Variants in EMX1 observed in about 807,000 individuals in gnomAD.
The protein encoded by EMX1 is empty spiracles homeobox 1.
In EMX1, 10 loss-of-function variants were observed where a neutral mutation model predicts 20.1. That is an observed-to-expected ratio of 0.50 (90% CI 0.31 to 0.84). The LOEUF (loss-of-function observed/expected upper bound fraction) is 0.84. Ranked by LOEUF, EMX1 falls within the 40% of genes least tolerant of loss-of-function variation. The pLI, the probability that EMX1 is intolerant of heterozygous loss-of-function variation, is 0.05. For synonymous variants in EMX1, 250 were observed against 200.4 expected, an observed-to-expected ratio of 1.25 and a Z score of -2.09; for missense variants, 424 against 431.9, an observed-to-expected ratio of 0.98 and a Z score of 0.16.
At chr2:72,924,190 T>C (rs1219365054) in intron 1 of EMX1, 119 bp from the exon 2 acceptor site, 1 of 1,264,536 alleles carries the variant, frequency 7.9e-7, no homozygotes, top group Admixed American at 2.0e-5. Flanking sequence ...TGTCAAGGAA[T>C]GGAGAGGGCA....
At chr2:72,923,802 C>A (rs769710268) in intron 1 of EMX1, 19 of 210,668 alleles carry the variant, frequency 9.0e-5, no homozygotes, top group Non-Finnish European at 1.7e-4. Flanking sequence ...CCCGCTGCTC[C>A]CCTTATCACG....
In EMX1 at chr2:72,933,762, C is replaced by T. The variant is rs773557742; in HGVS notation, c.706-25C>T. 4.3e-6 allele frequency: 7 copies of T among 1,613,036 alleles called. No homozygotes were observed. In the African/African-American group the frequency reaches 8.0e-5, roughly 18 times the overall value. ...TCTGGGGGCCTCCTGAGTTTCTCAT[C>T]TGTGCCCCTCCCTCCCTGGCCCAGG... is the stretch of plus-strand genomic sequence containing the variant. On this transcript the variant is annotated intron_variant, in intron 2 of 2. Coordinates refer to ENST00000258106, the MANE Select transcript of EMX1 (RefSeq NM_004097.3).
chr2:72,918,429 T>C, intron 1 of EMX1, 57 bp downstream of exon 1: 1 of 1,343,714 alleles, frequency 7.4e-7, no homozygotes, highest in Non-Finnish European at 9.5e-7. Flanking sequence ...GCTGCGGCGA[T>C]GCGGGGGAGG....
rs1051638003 is a variant in EMX1, at chr2:72,918,098, G to A, written c.246G>A (p.Ala82=). ...AASEEPLRPT[A]LNYPHPSAAE... ...CCGAGGAACCGCTCCGGCCCACGGC[G>A]CTCAACTACCCTCACCCCAGCGCGG... The change falls in exon 1 of 3, where the codon GCG becomes GCA. Residue 82 remains alanine (A), a synonymous_variant. Transcript: ENST00000258106. 4.7e-5 allele frequency: 69 copies of A among 1,455,420 alleles called. No homozygotes were observed. Among genetic ancestry groups the A allele is most frequent in the Non-Finnish European group, 5.9e-5 (66 of 1,114,114 alleles). 90.2% of individuals were successfully genotyped at this position (1,455,420 alleles called of 1,614,324 possible). A position where few individuals can be genotyped will look rare whatever the true frequency, so the allele number is the denominator to read the frequency against.
chr2:72,933,945 C>T lies in EMX1; in HGVS notation c.864C>T (p.Ser288=). Residue 288 remains serine (S), a synonymous_variant, in exon 3 of 3, where the codon TCC becomes TCT. Coordinates refer to ENST00000258106, the MANE Select transcript of EMX1 (RefSeq NM_004097.3). Reference sequence around the variant, plus strand: ...ATGGGGAGGACATCGATGTCACCTCCAATGACTAGGGTGGGCAACCACAAA... The same window carrying T: ...ATGGGGAGGACATCGATGTCACCTCTAATGACTAGGGTGGGCAACCACAAA... ...QANGEDIDVT[S]ND is the part of the protein sequence containing the mutation. 1 of 1,614,258 alleles carries T rather than the reference C, an allele frequency of 6.2e-7. No homozygotes were observed. The highest frequency in any genetic ancestry group is 2.2e-5 in the East Asian group (1 of 44,884).
At chr2:72,917,064 G>A, upstream of EMX1, 1 of 659,452 alleles carries the variant, frequency 1.5e-6, no homozygotes, top group Non-Finnish European at 2.8e-6. Flanking sequence ...GCCGATGGTG[G>A]GTGAGTGGGA....
intron 1 of EMX1, 52 bp downstream of exon 1, chr2:72,918,424 G>T: frequency 2.2e-6 from 3 of 1,354,180 alleles, no homozygotes; most frequent in Non-Finnish European, 2.8e-6. Context: ...CCCGTGCTGC[G>T]GCGATGCGGG....
intron 1 of EMX1, among the ~76,000 whole-genome samples, chr2:72,922,415 A>G (rs903205555): frequency 2.6e-5 from 4 of 152,078 alleles, no homozygotes; most frequent in Non-Finnish European, 2.9e-5. Context: ...CCATCTGTCT[A>G]TTCCACTATC....
chr2:72,928,003 A>G (rs1210317360), intron 2 of EMX1, among the ~76,000 whole-genome samples: 2 of 152,212 alleles, frequency 1.3e-5, no homozygotes, highest in Non-Finnish European at 2.9e-5. Context: ...GGTTACTCAG[A>G]TCAGTGTGTG....
Position 72,934,194 on chromosome 2 carries a change from C to T in EMX1, c.*240C>T, listed in dbSNP as rs1015839471. 3 of 531,796 alleles carry T rather than the reference C, an allele frequency of 5.6e-6. No individual in the cohort carries two copies. The highest frequency in any genetic ancestry group is 3.2e-5 in the East Asian group (1 of 31,632). The allele number at this position is 531,796 out of a possible 1,614,324, so 32.9% of individuals were successfully genotyped here. On this transcript the variant is annotated 3_prime_UTR_variant, in exon 3 of 3. Coordinates refer to ENST00000258106, the MANE Select transcript of EMX1 (RefSeq NM_004097.3). ...GCCTGCCTGCCTGGGCGGGCCCGCCCGCCACCGCAGCCTCCCAGCTGCTCT... is the reference window on the plus strand; with the variant it reads ...GCCTGCCTGCCTGGGCGGGCCCGCCTGCCACCGCAGCCTCCCAGCTGCTCT...
At chr2:72,933,646 G>A in intron 2 of EMX1, 141 bp from the exon 3 acceptor site, 1 of 1,011,904 alleles carries the variant, frequency 9.9e-7, no homozygotes, top group Non-Finnish European at 1.4e-6. Flanking sequence ...TGGTCAGAGG[G>A]GACCCCGGCC....
upstream of EMX1, chr2:72,917,059 TGGTG>T: frequency 1.5e-6 from 1 of 661,502 alleles, no homozygotes; most frequent in East Asian, 2.7e-5. Context: ...AGGAGGCCGA[TGGTG>T]GGTGAGTGGG....
intron 1 of EMX1, chr2:72,923,536 C>T (rs572587450): frequency 6.6e-5 from 10 of 152,326 alleles, no homozygotes; most frequent in African/African-American, 2.2e-4. Flanking sequence ...CCGCCAAGGC[C>T]TGGGGGAGAG....
chr2:72,924,094 C>A (rs1216031472), intron 1 of EMX1: 1 of 628,058 alleles, frequency 1.6e-6, no homozygotes, highest in Non-Finnish European at 2.9e-6. Context: ...CGGAGTGGCT[C>A]TCGAGTGCGG....
chr2:72,917,825 G>T lies in EMX1; in HGVS notation c.-28G>T. 1 of 1,302,508 alleles carries T rather than the reference G, an allele frequency of 7.7e-7. No homozygotes were observed. Among genetic ancestry groups the T allele is most frequent in the Non-Finnish European group, 9.7e-7 (1 of 1,029,964 alleles). 80.7% of individuals were successfully genotyped at this position (1,302,508 alleles called of 1,614,324 possible). A position where few individuals can be genotyped will look rare whatever the true frequency, so the allele number is the denominator to read the frequency against. ...GGGCCGAGCGCGAGCGGGCGGGCGG[G>T]GGAGGTGAGGGGTGCGGGCGGGTGT... is the stretch of plus-strand genomic sequence containing the variant. On this transcript the variant is annotated 5_prime_UTR_variant, in exon 1 of 3. Coordinates refer to ENST00000258106, the MANE Select transcript of EMX1 (RefSeq NM_004097.3).
chr2:72,921,933 A>C (rs1426675589), intron 1 of EMX1, among the ~76,000 whole-genome samples: 1 of 152,200 alleles, frequency 6.6e-6, no homozygotes, highest in Non-Finnish European at 1.5e-5. Context: ...GCACTCCACC[A>C]CACAGGTGAC....
At position 72,934,094 on chromosome 2, in the gene EMX1, C is replaced by T; in HGVS notation, c.*140C>T. 8.3e-7 allele frequency: 1 copy of T among 1,203,168 alleles called. No homozygotes were observed. Among genetic ancestry groups the T allele is most frequent in the Non-Finnish European group, 1.1e-6 (1 of 881,680 alleles). 74.5% of individuals were successfully genotyped at this position (1,203,168 alleles called of 1,614,324 possible). ...GTCATGGCCCCACAGGGCTTGAAGCCCGGGGCCGCCATTGACAGAGGGACA... is the reference window on the plus strand; with the variant it reads ...GTCATGGCCCCACAGGGCTTGAAGCTCGGGGCCGCCATTGACAGAGGGACA... On this transcript the variant is annotated 3_prime_UTR_variant, in exon 3 of 3. Transcript: ENST00000258106.
chr2:72,928,500 G>A (rs947457310), intron 2 of EMX1, among the ~76,000 whole-genome samples: 4 of 152,220 alleles, frequency 2.6e-5, no homozygotes, highest in African/African-American at 7.2e-5. Flanking sequence ...GTGTTCGTGT[G>A]TGTGTCGGGG....
At position 72,924,466 on chromosome 2, in the gene EMX1, C is replaced by G. The variant is rs1419264003; in HGVS notation, c.678C>G (p.Ala226=). 6.3e-6 allele frequency: 10 copies of G among 1,594,788 alleles called. No homozygotes were observed. The highest frequency in any genetic ancestry group is 8.5e-6 in the Non-Finnish European group (10 of 1,175,548). The part of the protein sequence containing the change: ...YVVGAERKQL[A]GSLSLSETQV... ...TGGGCGCCGAGCGGAAGCAGCTGGC[C>G]GGCAGTCTCAGCCTCTCCGAGACGC... Residue 226 remains alanine (A), a synonymous_variant, in exon 2 of 3, where the codon GCC becomes GCG. Coordinates refer to ENST00000258106, the MANE Select transcript of EMX1 (RefSeq NM_004097.3).
Sources: allele counts gnomAD v4.1 joint callset (sites outside exome capture counted in the v4.1 genomes callset), GRCh38; gene constraint gnomAD v4.1.1; transcripts MANE v1.5; gene names NCBI Gene and HGNC (gene_info 2026-07-23, HGNC 2026-07-21).